The following FOXN4 variants were observed in gnomAD, a reference collection of about 807,000 sequenced individuals.
The protein encoded by FOXN4 is forkhead box N4.
Under a neutral mutation model 45.0 loss-of-function variants are expected in FOXN4, and 12 were observed. The ratio of observed to expected loss-of-function variants is 0.27; its 90% CI spans 0.17 to 0.43. The LOEUF is 0.43. Ranked by LOEUF, FOXN4 falls within the 20% of genes least tolerant of loss-of-function variation. The probability of loss-of-function intolerance (pLI) is 1.00; values close to 1 mark genes in which losing one functional copy is unlikely to be tolerated. For missense variants in FOXN4, 560 were observed against 694.9 expected (o/e 0.81, Z 2.18); for synonymous variants, 297 against 295.0 (o/e 1.01, Z -0.07).
chr12:109,300,125 C>T (rs557211775), intron 2 of FOXN4, among the ~76,000 whole-genome samples: 18 of 152,296 alleles, frequency 1.2e-4, no homozygotes, highest in Admixed American at 3.3e-4. Context: ...TGGTGGTGGT[C>T]CCATTATAGT....
In FOXN4 at chr12:109,286,689, C is replaced by T. The variant is rs750462584; in HGVS notation, c.652G>A (p.Glu218Lys). Residue 218 changes from glutamate (E) to lysine (K), a missense_variant, in exon 7 of 10, where the codon GAG becomes AAG. Coordinates refer to ENST00000299162, the MANE Select transcript of FOXN4 (RefSeq NM_213596.3). ...TGCTCCTTCATGAAGCTGTAGATCTCGCTCACAGGCAGGCTGCCTGTCTTG... is the reference window on the plus strand; with the variant it reads ...TGCTCCTTCATGAAGCTGTAGATCTTGCTCACAGGCAGGCTGCCTGTCTTG... ...NSKTGSLPVS[E>K]IYSFMKEHFP... 9.3e-6 allele frequency: 15 copies of T among 1,609,908 alleles called. No individual in the cohort carries two copies. Among genetic ancestry groups the T allele is most frequent in the Admixed American group, 3.3e-5 (2 of 59,960 alleles).
chr12:109,285,635 C>CA, intron 7 of FOXN4, 124 bp from the exon 8 acceptor site: 1 of 957,618 alleles, frequency 1.0e-6, no homozygotes, highest in Non-Finnish European at 1.6e-6. Flanking sequence ...CAGTGCCTGA[C>CA]ACTCAGCCTC....
rs767524665 is a variant in FOXN4, at chr12:109,281,523, C to A, written c.1178G>T (p.Ser393Ile). ...PLHALPDLSP[S>I]PLPHPAMGRA... ...TCCCATGGCGGGGTGGGGGAGCGGG[C>A]TGGGGCTGAGGTCCGGCAGGGCGTG... Residue 393 changes from serine to isoleucine, a missense_variant, in exon 9 of 10, where the codon AGC (serine) becomes ATC (isoleucine). Ser to Ile is a moderately radical substitution (Grantham distance 142). This residue lies in a region of FOXN4 where 315 missense variants were observed against 350.5 expected (regional missense o/e 0.90). Coordinates refer to ENST00000299162, the MANE Select transcript of FOXN4 (RefSeq NM_213596.3). 6.2e-7 allele frequency: 1 copy of A among 1,613,610 alleles called. No individual in the cohort carries two copies. Among genetic ancestry groups the A allele is most frequent in the African/African-American group, 1.3e-5 (1 of 74,892 alleles).
intron 1 of FOXN4, among the ~76,000 whole-genome samples, chr12:109,308,531 TGAA>T (rs2047940866): frequency 6.6e-6 from 1 of 151,926 alleles, no homozygotes; most frequent in South Asian, 2.1e-4. Context: ...TAGAAACAAA[TGAA>T]GAGAATGAAA....
intron 2 of FOXN4, among the ~76,000 whole-genome samples, chr12:109,293,491 C>G (rs553032662): frequency 6.6e-6 from 1 of 152,256 alleles, no homozygotes; most frequent in Non-Finnish European, 1.5e-5. Flanking sequence ...TCCTTGCACA[C>G]AGTGGGTGCC....
chr12:109,293,911 G>C (rs1191040483), intron 2 of FOXN4, among the ~76,000 whole-genome samples: 1 of 152,198 alleles, frequency 6.6e-6, no homozygotes, highest in Non-Finnish European at 1.5e-5. Context: ...CACAGTCCCA[G>C]GACAGGGACA....
In FOXN4 at chr12:109,281,753, G is replaced by A; in HGVS notation, c.948C>T (p.Arg316=). Residue 316 remains arginine, a synonymous_variant, in exon 9 of 10, where the codon CGC becomes CGT. Coordinates refer to ENST00000299162, the MANE Select transcript of FOXN4 (RefSeq NM_213596.3). The part of the protein sequence containing the change: ...LISDRPESCR[R]PGKPGEPEAP... Reference sequence around the variant, plus strand: ...CCTCTGGTTCCCCCGGTTTGCCGGGGCGCCGGCAGCTTTCAGGCCGGTCGG... The same window carrying A: ...CCTCTGGTTCCCCCGGTTTGCCGGGACGCCGGCAGCTTTCAGGCCGGTCGG... 1 of 1,604,078 alleles carries A rather than the reference G, an allele frequency of 6.2e-7. No homozygotes were observed. The highest frequency in any genetic ancestry group is 2.2e-5 in the East Asian group (1 of 44,732).
chr12:109,298,231 G>C (rs146484083), intron 2 of FOXN4, among the ~76,000 whole-genome samples: 1 of 151,846 alleles, frequency 6.6e-6, no homozygotes, highest in African/African-American at 2.4e-5. Flanking sequence ...TGAGCCCCCC[G>C]TCCCAGACCT....
chr12:109,304,213 AAAAGAAAGAG>A (rs1414784839), intron 2 of FOXN4, among the ~76,000 whole-genome samples: 2 of 142,778 alleles, frequency 1.4e-5, no homozygotes, highest in Non-Finnish European at 3.1e-5. Context: ...GAAAGAAAAG[AAAAGAAAGAG>A]AAAGAAAGAA....
rs764687840 is a variant in FOXN4 at position 109,285,510 on chromosome 12, G to A, written c.695C>T (p.Thr232Met). The A allele has an allele frequency of 2.2e-5, 36 of 1,613,800 alleles. No individual in the cohort carries two copies. Among genetic ancestry groups the A allele is most frequent in the East Asian group, 4.5e-5 (2 of 44,890 alleles). Reference sequence around the variant, plus strand: ...CGAGTTCTTCCACCCGTCGGGGGCCGTCTATGAAGACACATGGGCATTCAG... The same window carrying A: ...CGAGTTCTTCCACCCGTCGGGGGCCATCTATGAAGACACATGGGCATTCAG... ...FMKEHFPYFK[T>M]APDGWKNSVR... The change falls in exon 8 of 10, where the codon ACG (threonine) becomes ATG (methionine). Residue 232 changes from threonine (T) to methionine (M), a missense_variant and splice_region_variant. Thr to Met is a moderately conservative substitution (Grantham distance 81). This residue lies in a region of FOXN4 where 39 missense variants were observed against 81.7 expected (regional missense o/e 0.48). Coordinates refer to ENST00000299162, the MANE Select transcript of FOXN4 (RefSeq NM_213596.3).
intron 2 of FOXN4, among the ~76,000 whole-genome samples, chr12:109,303,432 G>A (rs137938279): frequency 6.6e-6 from 1 of 152,350 alleles, no homozygotes; most frequent in East Asian, 1.9e-4. Context: ...CCATGGATGT[G>A]TTATTTTCAC....
intron 8 of FOXN4, among the ~76,000 whole-genome samples, chr12:109,284,848 A>T (rs1326691581): frequency 7.0e-6 from 1 of 143,562 alleles, no homozygotes; most frequent in Non-Finnish European, 1.5e-5. Flanking sequence ...AGTGGATGCC[A>T]GCCAGGTCCT....
At chr12:109,307,521 TA>T (rs1050738314) in intron 2 of FOXN4, among the ~76,000 whole-genome samples, 10 of 151,830 alleles carry the variant, frequency 6.6e-5, no homozygotes, top group Non-Finnish European at 1.3e-4. Flanking sequence ...TCCCCAACTG[TA>T]AAAAAAATAG....
Position 109,290,427 on chromosome 12 carries a change from G to T in FOXN4, c.87-141C>A. ...AGCCCTCCAACCTGCCCGTCCCCAG[G>T]ACTGGACACGGGAACCTGGTCCCAG... is the stretch of plus-strand genomic sequence containing the variant. On this transcript the variant is annotated intron_variant, in intron 2 of 9. Coordinates refer to ENST00000299162, the MANE Select transcript of FOXN4 (RefSeq NM_213596.3). The surrounding 1 kb of genome is among the most constrained non-coding windows in gnomAD (Gnocchi z 5.1). The T allele has an allele frequency of 2.0e-6, 2 of 1,010,208 alleles. No homozygotes were observed. The highest frequency in any genetic ancestry group is 2.8e-6 in the Non-Finnish European group (2 of 710,234). The allele number at this position is 1,010,208 out of a possible 1,614,324, so 62.6% of individuals were successfully genotyped here.
At chr12:109,284,816 T>C (rs2047688808) in intron 8 of FOXN4, among the ~76,000 whole-genome samples, 1 of 150,378 alleles carries the variant, frequency 6.6e-6, no homozygotes, top group African/African-American at 2.5e-5. Flanking sequence ...TATCTGGGCC[T>C]CACTGGGGTT....
intron 8 of FOXN4, among the ~76,000 whole-genome samples, chr12:109,284,790 C>T (rs985724831): frequency 1.4e-5 from 2 of 143,128 alleles, no homozygotes; most frequent in Non-Finnish European, 3.0e-5. Context: ...TGTGTGTGTG[C>T]GCACATGCTG....
Position 109,287,683 on chromosome 12 carries a change from A to C in FOXN4, c.469-159T>G, listed in dbSNP as rs1242026416. On this transcript the variant is annotated intron_variant, in intron 5 of 9. Transcript: ENST00000299162. The surrounding 1 kb of genome is among the most constrained non-coding windows in gnomAD (Gnocchi z 4.1). ...AAACAATCTTGTCTCCACTCAGGGCAGGAGTTTTGGGGGAACGGAATGAAT... is the reference window on the plus strand; with the variant it reads ...AAACAATCTTGTCTCCACTCAGGGCCGGAGTTTTGGGGGAACGGAATGAAT... Among the ~76,000 whole-genome samples, 1 of 152,226 alleles carries C rather than the reference A, an allele frequency of 6.6e-6. No homozygotes were observed. The highest frequency in any genetic ancestry group is 1.5e-5 in the Non-Finnish European group (1 of 68,026).
rs1360848918 is a variant in FOXN4 at position 109,290,960 on chromosome 12, C to A, written c.87-674G>T. ...ATGTAGGGTGGGCCCATACTCCCCTCGTACAGATGAGAAAACTGAGGCTTG... is the reference window on the plus strand; with the variant it reads ...ATGTAGGGTGGGCCCATACTCCCCTAGTACAGATGAGAAAACTGAGGCTTG... On this transcript the variant is annotated intron_variant, in intron 2 of 9. Transcript: ENST00000299162. This position sits in a 1 kb window ranked among gnomAD's most constrained non-coding sequence, Gnocchi z 5.1. Among the ~76,000 whole-genome samples the A allele has an allele frequency of 6.6e-6, 1 of 152,144 alleles. No homozygotes were observed. Among genetic ancestry groups the A allele is most frequent in the Non-Finnish European group, 1.5e-5 (1 of 68,028 alleles).
At chr12:109,308,428 C>T in intron 1 of FOXN4, 104 bp from the exon 2 acceptor site, 2 of 694,874 alleles carry the variant, frequency 2.9e-6, no homozygotes, top group South Asian at 5.5e-5. Flanking sequence ...GCACAATCAA[C>T]TCACAGAACA....
Sources: allele counts gnomAD v4.1 joint callset (sites outside exome capture counted in the v4.1 genomes callset), GRCh38; gene constraint gnomAD v4.1.1; regional missense constraint gnomAD v4.1.1; non-coding constraint Gnocchi (gnomAD v3.1); transcripts MANE v1.5; gene names NCBI Gene and HGNC (gene_info 2026-07-23, HGNC 2026-07-21).